Variants in BRCA1 observed in about 807,000 individuals in gnomAD.
The protein encoded by BRCA1 is BRCA1 DNA repair associated, also known as breast cancer type 1 susceptibility protein.
A neutral mutation model predicts 173.7 loss-of-function variants in BRCA1; 140 were observed. The ratio of observed to expected loss-of-function variants is 0.81; its 90% confidence interval spans 0.70 to 0.93. BRCA1 has a LOEUF of 0.93. Ranked by LOEUF, BRCA1 falls within the 40% of genes least tolerant of loss-of-function variation. BRCA1 has a pLI of 0.00. For synonymous variants in BRCA1, 662 were observed against 756.0 expected, an observed-to-expected ratio of 0.88 and a Z score of 2.04; for missense variants, 1,983 against 2,172.5, an observed-to-expected ratio of 0.91 and a Z score of 1.73.
At chr17:43,047,482 A>G (rs1210608514) in intron 22 of BRCA1, among the ~76,000 whole-genome samples, 161 bp downstream of exon 22, 1 of 152,214 alleles carries the variant, frequency 6.6e-6, no homozygotes, top group African/African-American at 2.4e-5. Flanking sequence ...TACAATATAA[A>G]ACAAATAACA....
intron 2 of BRCA1, among the ~76,000 whole-genome samples, chr17:43,123,802 T>A (rs2055701114): frequency 6.6e-6 from 1 of 152,160 alleles, no homozygotes; most frequent in Non-Finnish European, 1.5e-5. Context: ...AGGATTTGTG[T>A]TGAAAAGGAG....
intron 22 of BRCA1, 131 bp from the exon 23 acceptor site, chr17:43,045,933 T>C: frequency 7.8e-7 from 1 of 1,289,234 alleles, no homozygotes; most frequent in South Asian, 1.4e-5. Context: ...TTTTTTTTTT[T>C]TTTTTTTGAG....
intron 9 of BRCA1, among the ~76,000 whole-genome samples, chr17:43,095,371 C>T (rs1056267833): frequency 6.6e-6 from 1 of 152,058 alleles, no homozygotes; most frequent in Admixed American, 6.6e-5. Flanking sequence ...TGCTTGAGTC[C>T]AGGAGTTTGA....
upstream of BRCA1, among the ~76,000 whole-genome samples, chr17:43,126,244 C>T (rs1224531751): frequency 6.6e-6 from 1 of 152,216 alleles, no homozygotes; most frequent in Non-Finnish European, 1.5e-5. Flanking sequence ...TTGCTTTTGC[C>T]CCGTCTCCGT....
At position 43,094,737 on chromosome 17, in the gene BRCA1, G is replaced by T; in HGVS notation, c.794C>A (p.Ser265Tyr). 1 of 1,611,508 alleles carries T rather than the reference G, an allele frequency of 6.2e-7. No individual in the cohort carries two copies. Among genetic ancestry groups the T allele is most frequent in the Non-Finnish European group, 8.5e-7 (1 of 1,178,404 alleles). The part of the protein sequence containing the change: ...ERHPEKYQGS[S>Y]VSNLHVEPCG... ...TGGCTCCACATGCAAGTTTGAAACA[G>T]AACTACCCTGATACTTTTCTGGATG... is the stretch of plus-strand genomic sequence containing the variant. The change falls in exon 10 of 23, where the codon TCT becomes TAT. Residue 265 changes from serine (S) to tyrosine (Y), a missense_variant. Ser to Tyr is a moderately radical substitution (Grantham distance 144). Transcript: ENST00000357654.
chr17:43,091,042 C>T lies in BRCA1; in HGVS notation c.4097-10G>A, dbSNP rs80358057. 1.1e-5 allele frequency: 18 copies of T among 1,608,984 alleles called. No homozygotes were observed. The highest frequency in any genetic ancestry group is 3.4e-5 in the Admixed American group (2 of 59,458). On this transcript the variant is annotated splice_polypyrimidine_tract_variant and intron_variant, in intron 10 of 22. Coordinates refer to ENST00000357654, the MANE Select transcript of BRCA1 (RefSeq NM_007294.4). ...CCAGATGCTGCTTCACCTTAAATAA[C>T]AAAAACAGAGGTTCAGATGTAAAAG...
At chr17:43,161,430 G>C (rs2056235108) in intron 1 of BRCA1, 2 of 152,298 alleles carry the variant, frequency 1.3e-5, no homozygotes, top group African/African-American at 4.8e-5. Context: ...AAGCCCAGGA[G>C]TTCTCCTGTT....
intron 4 of BRCA1, among the ~76,000 whole-genome samples, chr17:43,105,180 T>C (rs2054708456): frequency 6.6e-6 from 1 of 152,190 alleles, no homozygotes; most frequent in Admixed American, 6.6e-5. Flanking sequence ...AATTATCTGA[T>C]ATAATACTGC....
At chr17:43,151,311 G>A (rs547575155) in intron 1 of BRCA1, among the ~76,000 whole-genome samples, 28 of 152,226 alleles carry the variant, frequency 1.8e-4, no homozygotes, top group African/African-American at 6.3e-4. Context: ...AAGTGTGGTG[G>A]CTCACACCTG....
chr17:43,100,661 T>TAAC (rs2054398004), intron 6 of BRCA1, among the ~76,000 whole-genome samples: 1 of 18,260 alleles, frequency 5.5e-5, no homozygotes, highest in African/African-American at 4.8e-4. Flanking sequence ...ATATAACATA[T>TAAC]ATATATATAT....
chr17:43,133,834 C>T (rs951918644), intron 1 of BRCA1, among the ~76,000 whole-genome samples: 8 of 152,076 alleles, frequency 5.3e-5, no homozygotes, highest in African/African-American at 1.9e-4. Context: ...GGGGTTTCAC[C>T]ATGTTGGCCA....
intron 3 of BRCA1, among the ~76,000 whole-genome samples, chr17:43,109,801 T>G (rs949983572): frequency 6.6e-6 from 1 of 151,926 alleles, no homozygotes; most frequent in Non-Finnish European, 1.5e-5. Context: ...TACAGTAGAG[T>G]GACAAGCTAA....
chr17:43,096,358 C>T (rs1237688345), intron 8 of BRCA1, among the ~76,000 whole-genome samples: 1 of 121,266 alleles, frequency 8.2e-6, no homozygotes, highest in Non-Finnish European at 1.6e-5. Flanking sequence ...GCCTGGGCAA[C>T]AGAGCAAGAC....
chr17:43,117,903 T>A (rs1355857169), intron 2 of BRCA1, among the ~76,000 whole-genome samples: 2 of 152,204 alleles, frequency 1.3e-5, no homozygotes, highest in African/African-American at 4.8e-5. Flanking sequence ...CAAGTACTAT[T>A]CTAGGAGATA....
At chr17:43,047,074 A>C (rs185638081) in intron 22 of BRCA1, among the ~76,000 whole-genome samples, 1 of 152,106 alleles carries the variant, frequency 6.6e-6, no homozygotes, top group African/African-American at 2.4e-5. Context: ...TACTGGGATT[A>C]TTTTATTGTT....
chr17:43,079,224 G>A (rs2154103133), intron 12 of BRCA1: 2 of 814,028 alleles, frequency 2.5e-6, no homozygotes, highest in South Asian at 1.4e-5. Context: ...GCAGAGGGAA[G>A]GCTCAGATAC....
intron 16 of BRCA1, 197 bp downstream of exon 16, chr17:43,067,411 C>T (rs1372090830): frequency 1.8e-4 from 84 of 478,118 alleles, no homozygotes; most frequent in Non-Finnish European, 1.0e-4. Context: ...CACGCGACCA[C>T]ACCCAGCTAA....
intron 14 of BRCA1, among the ~76,000 whole-genome samples, chr17:43,072,409 AT>A (rs934893737): frequency 1.5e-4 from 22 of 147,146 alleles, no homozygotes; most frequent in East Asian, 2.0e-4. Context: ...TACGGGTAAT[AT>A]TTTTTTTTTT....
Position 43,134,878 on chromosome 17 carries a change from C to T in BRCA1, c.-19-10763G>A, listed in dbSNP as rs1597932154. Among the ~76,000 whole-genome samples, 5 of 152,314 alleles carry T rather than the reference C, an allele frequency of 3.3e-5. No individual in the cohort carries two copies. The South Asian group carries it at 1.0e-3, about 32-fold the overall frequency. Reference sequence around the variant, plus strand: ...GAGATAAAAGGGATACTTTCCTAACCCAGAGAGGCCAAAGGAGCACAGGAC... The same window carrying T: ...GAGATAAAAGGGATACTTTCCTAACTCAGAGAGGCCAAAGGAGCACAGGAC... On this transcript the variant is annotated intron_variant, in intron 1 of 7. Coordinates refer to the BRCA1 transcript ENST00000634433.
Sources: gnomAD v4.1 joint callset for allele counts (sites outside exome capture counted in the v4.1 genomes callset) on GRCh38, gnomAD v4.1.1 for gene constraint, MANE v1.5 for transcripts, NCBI Gene and HGNC (gene_info 2026-07-23, HGNC 2026-07-21) for gene names.